The following ATG4C variants were observed in gnomAD, a reference collection of about 807,000 sequenced individuals.
ATG4C encodes the protein cysteine protease ATG4C.
A neutral mutation model predicts 57.6 loss-of-function variants in ATG4C; 56 were observed. The ratio of observed to expected loss-of-function variants is 0.97; its 90% CI spans 0.78 to 1.21. The LOEUF is 1.21. Among genes scored for constraint, ATG4C ranks in the 50% most tolerant of loss-of-function variants. ATG4C has a pLI of 0.00. For synonymous variants in ATG4C, 157 were observed against 174.1 expected, an observed-to-expected ratio of 0.90 and a Z score of 0.78; for missense variants, 595 against 529.8, an observed-to-expected ratio of 1.12 and a Z score of -1.21.
At chr1:62,843,971 T>C (rs1490443443) in intron 10 of ATG4C, among the ~76,000 whole-genome samples, 1 of 152,232 alleles carries the variant, frequency 6.6e-6, no homozygotes, top group Non-Finnish European at 1.5e-5. Context: ...GTGATGGTCA[T>C]ATTTAAGAAG....
At chr1:62,823,176 C>T (rs535165013) in intron 6 of ATG4C, among the ~76,000 whole-genome samples, 1 of 152,246 alleles carries the variant, frequency 6.6e-6, no homozygotes, top group South Asian at 2.1e-4. Flanking sequence ...CTAACCCTAC[C>T]TGAGTCAATA....
At position 62,865,258 on chromosome 1, in the gene ATG4C, G is replaced by A. The variant is rs1666969259; in HGVS notation, c.*1099G>A. On this transcript the variant is annotated 3_prime_UTR_variant, in exon 11 of 11. Transcript: ENST00000317868. ...TTCATTTATAATAAATGCATATATT[G>A]CTCTGAAAACAATATTAATTTTTTT... 1 of 151,790 alleles carries A rather than the reference G, an allele frequency of 6.6e-6. No homozygotes were observed. 9.4% of individuals were successfully genotyped at this position (151,790 alleles called of 1,614,324 possible). A position where few individuals can be genotyped will look rare whatever the true frequency, so the allele number is the denominator to read the frequency against.
chr1:62,830,399 T>C (rs1665804436), intron 7 of ATG4C, among the ~76,000 whole-genome samples: 1 of 152,152 alleles, frequency 6.6e-6, no homozygotes. Context: ...TTTTGCCTTC[T>C]CTACTACCAT....
chr1:62,810,595 C>G (rs756569766), intron 3 of ATG4C, among the ~76,000 whole-genome samples: 47 of 152,094 alleles, frequency 3.1e-4, no homozygotes, highest in South Asian at 2.1e-4. Flanking sequence ...CTGTATCTTT[C>G]AACAAAACCA....
At chr1:62,798,434 A>G (rs965421632) in intron 1 of ATG4C, among the ~76,000 whole-genome samples, 3 of 152,222 alleles carry the variant, frequency 2.0e-5, no homozygotes, top group Non-Finnish European at 4.4e-5. Flanking sequence ...GCTAATAAGA[A>G]AAATAAATTT....
intron 4 of ATG4C, 118 bp downstream of exon 4, chr1:62,816,926 T>A: frequency 1.2e-6 from 1 of 827,138 alleles, no homozygotes; most frequent in Non-Finnish European, 1.8e-6. Context: ...TTCTTGACTG[T>A]GAGATTTTCT....
chr1:62,831,586 A>G (rs1665840943), intron 7 of ATG4C, among the ~76,000 whole-genome samples: 1 of 152,100 alleles, frequency 6.6e-6, no homozygotes, highest in South Asian at 2.1e-4. Context: ...TGGAATGAGG[A>G]AAATCCAATA....
intron 1 of ATG4C, among the ~76,000 whole-genome samples, chr1:62,786,315 C>G (rs1375481691): frequency 6.6e-6 from 1 of 152,170 alleles, no homozygotes; most frequent in African/African-American, 2.4e-5. Context: ...AGTCCCTGCT[C>G]TTAGGGAGCT....
intron 7 of ATG4C, among the ~76,000 whole-genome samples, chr1:62,830,575 C>G (rs1225250081): frequency 1.3e-5 from 2 of 152,048 alleles, no homozygotes; most frequent in Non-Finnish European, 2.9e-5. Context: ...GCCTAATGCT[C>G]TTGAGTGATT....
intron 10 of ATG4C, among the ~76,000 whole-genome samples, chr1:62,852,796 C>T (rs374415359): frequency 1.4e-4 from 21 of 150,628 alleles, no homozygotes; most frequent in Non-Finnish European, 2.2e-4. Flanking sequence ...AACTACCTAG[C>T]GGTAAGTTTT....
At chr1:62,828,620 TA>T (rs1665743107) in intron 6 of ATG4C, among the ~76,000 whole-genome samples, 1 of 152,238 alleles carries the variant, frequency 6.6e-6, no homozygotes, top group Non-Finnish European at 1.5e-5. Flanking sequence ...ACTATTTTGA[TA>T]GTTTCTTTTG....
chr1:62,797,447 AGTTAT>A (rs1186314211), intron 1 of ATG4C, among the ~76,000 whole-genome samples: 2 of 152,126 alleles, frequency 1.3e-5, no homozygotes, highest in Non-Finnish European at 2.9e-5. Flanking sequence ...TTTGAGAAAT[AGTTAT>A]GTTATTGTTA....
chr1:62,784,162 G>C lies in ATG4C; in HGVS notation c.-180G>C, dbSNP rs1664002090. On this transcript the variant is annotated 5_prime_UTR_variant, in exon 1 of 11. Coordinates refer to ENST00000317868, the MANE Select transcript of ATG4C (RefSeq NM_032852.4). ...ACCTGTAGCTGCGGCGCTGAGGTCGGAACGTCTGCGTGTGTGCGGGCTGGT... is the reference window on the plus strand; with the variant it reads ...ACCTGTAGCTGCGGCGCTGAGGTCGCAACGTCTGCGTGTGTGCGGGCTGGT... The C allele has an allele frequency of 6.5e-6, 1 of 153,058 alleles. No individual in the cohort carries two copies. The highest frequency in any genetic ancestry group is 1.5e-5 in the Non-Finnish European group (1 of 68,334). The allele number at this position is 153,058 out of a possible 1,614,324, so 9.5% of individuals were successfully genotyped here.
At chr1:62,833,597 A>T (rs1665907095) in intron 7 of ATG4C, among the ~76,000 whole-genome samples, 1 of 152,116 alleles carries the variant, frequency 6.6e-6, no homozygotes, top group Admixed American at 6.6e-5. Flanking sequence ...TCAATTTGTG[A>T]TTCTAAGACT....
In ATG4C at chr1:62,864,095, T is replaced by C; in HGVS notation, c.1313T>C (p.Leu438Pro). The stretch of plus-strand genomic sequence containing the variant: ...TCTACTACAACCAATGAAGAAGACC[T>C]TTTTTCAGAGGATGAAAAGAAACAA... ...FTSTTTNEED[L>P]FSEDEKKQLK... Residue 438 changes from leucine to proline, a missense_variant, in exon 11 of 11, where the codon CTT becomes CCT. Coordinates refer to ENST00000317868, the MANE Select transcript of ATG4C (RefSeq NM_032852.4). 1 of 1,607,298 alleles carries C rather than the reference T, an allele frequency of 6.2e-7. No homozygotes were observed. The highest frequency in any genetic ancestry group is 8.5e-7 in the Non-Finnish European group (1 of 1,177,148).
intron 6 of ATG4C, among the ~76,000 whole-genome samples, chr1:62,822,105 GT>G (rs1006428355): frequency 1.3e-5 from 2 of 151,592 alleles, no homozygotes; most frequent in African/African-American, 4.8e-5. Context: ...GCTGTTAAGT[GT>G]TTTTTTTACA....
chr1:62,842,058 T>C (rs1297067787), intron 10 of ATG4C, among the ~76,000 whole-genome samples: 1 of 152,218 alleles, frequency 6.6e-6, no homozygotes, highest in East Asian at 1.9e-4. Flanking sequence ...ATTCTACTTA[T>C]AGGATCCTTG....
intron 3 of ATG4C, among the ~76,000 whole-genome samples, chr1:62,809,106 T>C (rs1244940182): frequency 6.6e-6 from 1 of 151,984 alleles, no homozygotes; most frequent in African/African-American, 2.4e-5. Flanking sequence ...GTTAATTTTT[T>C]ATTTTTATTT....
intron 9 of ATG4C, among the ~76,000 whole-genome samples, chr1:62,837,702 C>A (rs74078341): frequency 0.02 from 3,079 of 152,206 alleles, 107 homozygotes; most frequent in African/African-American, 0.071. Flanking sequence ...ATGTGGGCAT[C>A]TAGATTGGAT....
Sources: allele counts gnomAD v4.1 joint callset (sites outside exome capture counted in the v4.1 genomes callset), GRCh38; gene constraint gnomAD v4.1.1; transcripts MANE v1.5; gene names NCBI Gene and HGNC (gene_info 2026-07-23, HGNC 2026-07-21).